COL23A1: variants seen among roughly 807,000 people sequenced by gnomAD.
The protein encoded by COL23A1 is collagen type XXIII alpha 1 chain.
In COL23A1, 97 loss-of-function variants were observed where a neutral mutation model predicts 99.3. That is an observed-to-expected ratio of 0.98 (90% confidence interval 0.83 to 1.16). COL23A1 has a LOEUF of 1.16. Among genes scored for constraint, COL23A1 ranks in the 50% most tolerant of loss-of-function variants. The pLI is 0.00. For missense variants in COL23A1, 762 were observed against 757.4 expected, an observed-to-expected ratio of 1.01 and a Z score of -0.07; for synonymous variants, 320 against 308.2, an observed-to-expected ratio of 1.04 and a Z score of -0.40.
At chr5:178,552,914 T>C (rs1762078016) in intron 2 of COL23A1, among the ~76,000 whole-genome samples, 1 of 151,984 alleles carries the variant, frequency 6.6e-6, no homozygotes, top group Admixed American at 6.6e-5. Context: ...TTCACCATGT[T>C]GGCCAGGATG....
chr5:178,556,218 C>T (rs1762262723), intron 2 of COL23A1, among the ~76,000 whole-genome samples: 1 of 152,068 alleles, frequency 6.6e-6, no homozygotes, highest in East Asian at 1.9e-4. Context: ...CACAGACCAC[C>T]TCAAAGAGAA....
At chr5:178,545,505 C>T (rs1477126618) in intron 2 of COL23A1, among the ~76,000 whole-genome samples, 1 of 152,114 alleles carries the variant, frequency 6.6e-6, no homozygotes, top group East Asian at 1.9e-4. Context: ...GGAACAAGAG[C>T]CTTTGGGAAA....
chr5:178,385,380 C>T (rs1029445442), intron 2 of COL23A1, among the ~76,000 whole-genome samples: 5 of 152,194 alleles, frequency 3.3e-5, no homozygotes, highest in African/African-American at 1.2e-4. Flanking sequence ...CACACGTCTT[C>T]ATGTCAGTAG....
rs1383963518 is a variant in COL23A1, at chr5:178,384,274, T to A, written c.362-77355A>T. Among the ~76,000 whole-genome samples the A allele has an allele frequency of 1.3e-5, 2 of 152,146 alleles. No homozygotes were observed. Among genetic ancestry groups the A allele is most frequent in the African/African-American group, 4.8e-5 (2 of 41,442 alleles). On this transcript the variant is annotated intron_variant, in intron 2 of 28. Transcript: ENST00000390654. The surrounding 1 kb of genome is among the most constrained non-coding windows in gnomAD (Gnocchi z 5.5). ...GCACGCAGCTCCCCGCCCAGGGCAG[T>A]TCTCAAAACCTGGATCCGGCGACGG...
chr5:178,300,320 C>G (rs1025403535), intron 3 of COL23A1, among the ~76,000 whole-genome samples: 1 of 152,122 alleles, frequency 6.6e-6, no homozygotes, highest in African/African-American at 2.4e-5. Context: ...CCCGCCTCAG[C>G]CTCCCAAAAT....
At chr5:178,488,320 G>A (rs531723094) in intron 2 of COL23A1, among the ~76,000 whole-genome samples, 2 of 152,240 alleles carry the variant, frequency 1.3e-5, no homozygotes, top group South Asian at 2.1e-4. Flanking sequence ...CCTGCCTGAT[G>A]GGGAGCTGCT....
intron 1 of COL23A1, 116 bp from the exon 2 acceptor site, chr5:178,560,864 G>T: frequency 1.0e-6 from 1 of 972,708 alleles, no homozygotes; most frequent in South Asian, 1.6e-5. Flanking sequence ...TACAGTGCTG[G>T]GGCTGTCTGT....
intron 5 of COL23A1, among the ~76,000 whole-genome samples, chr5:178,272,291 T>C (rs1756333564): frequency 6.6e-6 from 1 of 152,206 alleles, no homozygotes; most frequent in South Asian, 2.1e-4. Flanking sequence ...CTGGCTTCCC[T>C]GGCTCAACCT....
In COL23A1 at chr5:178,462,093, TG is replaced by T. The variant is rs767041795; in HGVS notation, c.361+98588del. 2.6e-5 allele frequency among the ~76,000 whole-genome samples: 4 copies of T among 152,374 alleles called. No homozygotes were observed. In the South Asian group the frequency reaches 8.3e-4, roughly 32 times the overall value. The stretch of plus-strand genomic sequence containing the variant: ...CATAGTAGGAGCTTATTAAGCATTT[TG>T]GAAGGATGGGAGGAGGGGCTTGTGA... On this transcript the variant is annotated intron_variant, in intron 2 of 28. Coordinates refer to ENST00000390654, the MANE Select transcript of COL23A1 (RefSeq NM_173465.4).
At chr5:178,507,983 G>C (rs1758972555) in intron 2 of COL23A1, among the ~76,000 whole-genome samples, 1 of 151,560 alleles carries the variant, frequency 6.6e-6, no homozygotes, top group Admixed American at 6.6e-5. Context: ...TAGTCCCATG[G>C]GTCTCTGAGG....
intron 2 of COL23A1, among the ~76,000 whole-genome samples, chr5:178,403,006 G>A (rs1301250780): frequency 6.6e-6 from 1 of 151,520 alleles, no homozygotes; most frequent in Non-Finnish European, 1.5e-5. Flanking sequence ...TACTCAGGAG[G>A]CTGAGGCAGG....
At chr5:178,531,470 T>C (rs1268087065) in intron 2 of COL23A1, among the ~76,000 whole-genome samples, 1 of 152,116 alleles carries the variant, frequency 6.6e-6, no homozygotes, top group African/African-American at 2.4e-5. Flanking sequence ...CTGTTAAGGA[T>C]GGAGAGATGG....
At chr5:178,562,843 C>G (rs1762669367) in intron 1 of COL23A1, 1 of 151,600 alleles carries the variant, frequency 6.6e-6, no homozygotes, top group African/African-American at 2.4e-5. Flanking sequence ...GCTGATTGGT[C>G]CATTTTACAA....
intron 2 of COL23A1, among the ~76,000 whole-genome samples, chr5:178,464,668 T>C (rs535061033): frequency 4.1e-4 from 62 of 152,342 alleles, no homozygotes; most frequent in African/African-American, 1.4e-3. Context: ...CACTTCACCA[T>C]TAAACAATAG....
At position 178,365,506 on chromosome 5, in the gene COL23A1, A is replaced by G. The variant is rs554724446; in HGVS notation, c.362-58587T>C. 1.3e-3 allele frequency among the ~76,000 whole-genome samples: 199 copies of G among 151,894 alleles called. No individual in the cohort carries two copies. The highest frequency in any genetic ancestry group is 2.4e-3 in the Admixed American group (37 of 15,262). On this transcript the variant is annotated intron_variant, in intron 2 of 28. Transcript: ENST00000390654. The surrounding 1 kb of genome is among the most constrained non-coding windows in gnomAD (Gnocchi z 5.2). Reference sequence around the variant, plus strand: ...CGCCACCCAATCCCTCTTTCTTCTGATGTCGACAGGATCAAGCACAAGCCT... The same window carrying G: ...CGCCACCCAATCCCTCTTTCTTCTGGTGTCGACAGGATCAAGCACAAGCCT...
chr5:178,356,849 G>A (rs1205294788), intron 2 of COL23A1, among the ~76,000 whole-genome samples: 1 of 152,014 alleles, frequency 6.6e-6, no homozygotes, highest in Non-Finnish European at 1.5e-5. Flanking sequence ...GAACCCTGGT[G>A]CTGGTCCCCA....
intron 17 of COL23A1, among the ~76,000 whole-genome samples, chr5:178,251,925 T>TTTA (rs1554125608): frequency 1.3e-4 from 18 of 142,794 alleles, no homozygotes; most frequent in Non-Finnish European, 2.0e-4. Flanking sequence ...TTTTTTTTTT[T>TTTA]ATTTTGAGAC....
intron 2 of COL23A1, among the ~76,000 whole-genome samples, chr5:178,426,333 G>A (rs1480038572): frequency 1.3e-5 from 2 of 152,082 alleles, no homozygotes; most frequent in Non-Finnish European, 2.9e-5. Context: ...ATCGCTTTTC[G>A]TCTTGCATTC....
chr5:178,398,376 C>T (rs1021826043), intron 2 of COL23A1, among the ~76,000 whole-genome samples: 1 of 152,216 alleles, frequency 6.6e-6, no homozygotes, highest in African/African-American at 2.4e-5. Context: ...CCTGTAATCC[C>T]AGCACTTTGA....
Sources: allele counts gnomAD v4.1 joint callset (sites outside exome capture counted in the v4.1 genomes callset), GRCh38; gene constraint gnomAD v4.1.1; non-coding constraint Gnocchi (gnomAD v3.1); transcripts MANE v1.5; gene names NCBI Gene and HGNC (gene_info 2026-07-23, HGNC 2026-07-21).